Variants in SEL1L2 observed in about 807,000 individuals in gnomAD.
SEL1L2 encodes the protein protein sel-1 homolog 2.
SEL1L2 carries 89 observed loss-of-function variants against 98.8 expected under a neutral mutation model. The observed-to-expected ratio is 0.90, with a 90% CI of 0.76 to 1.07. The LOEUF (loss-of-function observed/expected upper bound fraction) is 1.07. SEL1L2 is among the 50% of genes least tolerant of loss of function. SEL1L2 has a pLI of 0.00. For synonymous variants in SEL1L2, 262 were observed against 278.5 expected, an observed-to-expected ratio of 0.94 and a Z score of 0.59; for missense variants, 788 against 812.0, an observed-to-expected ratio of 0.97 and a Z score of 0.36.
intron 8 of SEL1L2, among the ~76,000 whole-genome samples, chr20:13,886,887 CA>C (rs11475673): frequency 0.092 from 11,981 of 130,146 alleles, 469 homozygotes; most frequent in African/African-American, 0.12. Flanking sequence ...TACTCTGTCT[CA>C]AAAAAAAAAA....
intron 5 of SEL1L2, among the ~76,000 whole-genome samples, chr20:13,908,234 T>C (rs1438858416): frequency 6.8e-6 from 1 of 147,262 alleles, no homozygotes; most frequent in Non-Finnish European, 1.5e-5. Flanking sequence ...CCTTCTGCCT[T>C]AGCCTCCCGA....
At chr20:13,972,082 C>G (rs887159363) in intron 1 of SEL1L2, among the ~76,000 whole-genome samples, 4 of 152,102 alleles carry the variant, frequency 2.6e-5, no homozygotes, top group African/African-American at 4.8e-5. Flanking sequence ...CTCTATGTTC[C>G]TCTTTGTGAA....
chr20:13,971,997 A>C (rs1419235358), intron 1 of SEL1L2, among the ~76,000 whole-genome samples: 2 of 152,026 alleles, frequency 1.3e-5, no homozygotes, highest in East Asian at 3.9e-4. Context: ...ATTACTGTAT[A>C]TTTATAATTG....
intron 1 of SEL1L2, among the ~76,000 whole-genome samples, chr20:13,958,877 C>T (rs920517441): frequency 6.7e-6 from 1 of 148,914 alleles, no homozygotes; most frequent in African/African-American, 2.5e-5. Context: ...GAGCTGAGAT[C>T]GACCCACTGC....
At chr20:13,957,210 C>T (rs2050580314) in intron 1 of SEL1L2, among the ~76,000 whole-genome samples, 1 of 152,004 alleles carries the variant, frequency 6.6e-6, no homozygotes. Flanking sequence ...AAGCAGTTCT[C>T]ATGCCTCAGC....
chr20:13,984,026 T>C (rs1292287058), intron 1 of SEL1L2, among the ~76,000 whole-genome samples: 1 of 151,976 alleles, frequency 6.6e-6, no homozygotes, highest in Non-Finnish European at 1.5e-5. Context: ...TTCCTTTTTT[T>C]TTTTTTTGAG....
At chr20:13,950,025 CAT>C (rs1440100166) in intron 2 of SEL1L2, among the ~76,000 whole-genome samples, 7 of 152,036 alleles carry the variant, frequency 4.6e-5, no homozygotes, top group Non-Finnish European at 8.8e-5. Flanking sequence ...AATTCTGACA[CAT>C]GTATAGATTT....
At chr20:13,942,116 C>G (rs1160364192) in intron 2 of SEL1L2, among the ~76,000 whole-genome samples, 1 of 152,176 alleles carries the variant, frequency 6.6e-6, no homozygotes, top group Non-Finnish European at 1.5e-5. Flanking sequence ...CCAAGACTAG[C>G]TGGTCACCTT....
chr20:13,871,198 T>G (rs1209769053), intron 12 of SEL1L2, among the ~76,000 whole-genome samples: 2 of 152,154 alleles, frequency 1.3e-5, no homozygotes, highest in Admixed American at 6.5e-5. Context: ...CTACAGATAG[T>G]AAAGCATCGT....
chr20:13,868,607 T>C (rs1222779264), intron 14 of SEL1L2, among the ~76,000 whole-genome samples: 1 of 107,128 alleles, frequency 9.3e-6, no homozygotes, highest in Admixed American at 8.7e-5. Flanking sequence ...TCTTTCTTAC[T>C]TTTTTTTTTT....
At chr20:13,861,232 A>G (rs187218369) in intron 17 of SEL1L2, among the ~76,000 whole-genome samples, 5 of 151,924 alleles carry the variant, frequency 3.3e-5, no homozygotes, top group South Asian at 2.1e-4. Context: ...CTGTAGTGCA[A>G]TGGCATGATC....
intron 17 of SEL1L2, among the ~76,000 whole-genome samples, chr20:13,859,844 C>A (rs767683975): frequency 6.6e-6 from 1 of 152,132 alleles, no homozygotes; most frequent in Non-Finnish European, 1.5e-5. Flanking sequence ...GGATTCCAGG[C>A]GCCCGCCACC....
upstream of SEL1L2, chr20:13,990,757 G>C (rs977333859): frequency 2.3e-5 from 12 of 513,074 alleles, no homozygotes; most frequent in African/African-American, 1.2e-4. Context: ...TATTCCTCTG[G>C]CTGAAGATAA....
At chr20:13,853,080 A>T (rs977120504) in intron 18 of SEL1L2, among the ~76,000 whole-genome samples, 2 of 152,212 alleles carry the variant, frequency 1.3e-5, no homozygotes, top group African/African-American at 4.8e-5. Context: ...ATGTATATTC[A>T]CATATACATA....
At chr20:13,964,979 G>A (rs2148485528) in intron 1 of SEL1L2, among the ~76,000 whole-genome samples, 1 of 152,106 alleles carries the variant, frequency 6.6e-6, no homozygotes, top group Middle Eastern at 3.4e-3. Flanking sequence ...CCCTATTTGA[G>A]AGTTTCTCTT....
Position 13,870,142 on chromosome 20 carries a change from A to G in SEL1L2, c.1166T>C (p.Leu389Pro), listed in dbSNP as rs1471859114. The G allele has an allele frequency of 3.8e-6, 6 of 1,594,068 alleles. No homozygotes were observed. The South Asian group carries it at 6.7e-5, about 18-fold the overall frequency. ...AGATAATAAAATAATTTAACTTACC[A>G]GGGGAACTCCTTTTCCATGAAAGTA... ...LLYFHGKGVP[L>P]NYAEALKYFQ... The change falls in exon 13 of 20, where the codon CTG becomes CCG. Residue 389 changes from leucine (L) to proline (P), a missense_variant and splice_region_variant. Physicochemically the swap from Leu to Pro is moderately conservative, Grantham distance 98. Transcript: ENST00000284951.
intron 5 of SEL1L2, among the ~76,000 whole-genome samples, chr20:13,893,289 TC>T (rs1264008342): frequency 1.3e-5 from 2 of 152,002 alleles, no homozygotes; most frequent in Non-Finnish European, 2.9e-5. Context: ...AAAATAAAGT[TC>T]CCCCTTTTCC....
intron 18 of SEL1L2, among the ~76,000 whole-genome samples, chr20:13,856,175 GCT>G (rs1436335012): frequency 1.3e-5 from 2 of 151,846 alleles, no homozygotes; most frequent in Non-Finnish European, 2.9e-5. Flanking sequence ...AGGGAACCTC[GCT>G]CTGTCACCCA....
intron 2 of SEL1L2, among the ~76,000 whole-genome samples, chr20:13,945,237 A>T (rs2049955542): frequency 6.6e-6 from 1 of 152,204 alleles, no homozygotes; most frequent in African/African-American, 2.4e-5. Context: ...TTTGGTGCTC[A>T]AAATCAGTTG....
Sources: allele counts gnomAD v4.1 joint callset (sites outside exome capture counted in the v4.1 genomes callset), GRCh38; gene constraint gnomAD v4.1.1; transcripts MANE v1.5; gene names NCBI Gene and HGNC (gene_info 2026-07-23, HGNC 2026-07-21).